Variants in DMD observed in about 807,000 individuals in gnomAD.
DMD encodes mutant dystrophin.
DMD carries 63 observed loss-of-function variants against 330.1 expected under a neutral mutation model. That is an observed-to-expected ratio of 0.19 (90% confidence interval 0.16 to 0.24). The LOEUF (loss-of-function observed/expected upper bound fraction) is 0.24, where lower values mean the gene tolerates loss of function less well. DMD is among the 10% of genes least tolerant of loss of function. The probability of loss-of-function intolerance (pLI) is 1.00; values close to 1 mark genes in which losing one functional copy is unlikely to be tolerated. For synonymous variants in DMD, 1,223 were observed against 959.8 expected (o/e 1.27, Z -5.07); for missense variants, 3,344 against 2,684.1 (o/e 1.25, Z -5.43).
chrX:31,284,757 A>C (rs1284970083), intron 62 of DMD, among the ~76,000 whole-genome samples: 1 of 106,484 alleles, frequency 9.4e-6, no homozygotes, highest in African/African-American at 3.5e-5. Flanking sequence ...CTTTTGATTA[A>C]ATTTTGTTCT....
intron 62 of DMD, among the ~76,000 whole-genome samples, chrX:31,297,755 A>G (rs960704178): frequency 8.9e-6 from 1 of 112,209 alleles, no homozygotes; most frequent in African/African-American, 3.2e-5. Context: ...TCTTTTCTGG[A>G]CTAGCTGTGG....
chrX:32,280,144 GTATATATATA>G (rs200390755), intron 43 of DMD, among the ~76,000 whole-genome samples: 6 of 46,159 alleles, frequency 1.3e-4, no homozygotes, highest in Non-Finnish European at 1.8e-4. Context: ...TATATATACA[GTATATATATA>G]TATATATACA....
intron 77 of DMD, among the ~76,000 whole-genome samples, chrX:31,127,533 G>A (rs1278529297): frequency 1.8e-5 from 2 of 111,925 alleles, no homozygotes; most frequent in Non-Finnish European, 3.8e-5. Context: ...TAAAATCTTG[G>A]TTTTCAAACT....
At chrX:31,624,017 A>G (rs73455932) in intron 55 of DMD, among the ~76,000 whole-genome samples, 1,257 of 111,540 alleles carry the variant, frequency 0.011, 21 homozygotes, top group African/African-American at 0.039. Flanking sequence ...CCAGGGTTTT[A>G]TGGTAGTACT....
At chrX:32,368,960 T>C (rs2097863279) in intron 34 of DMD, among the ~76,000 whole-genome samples, 1 of 111,560 alleles carries the variant, frequency 9.0e-6, no homozygotes, top group South Asian at 3.7e-4. Context: ...CAAGATTGTG[T>C]ACACTCAGTT....
At chrX:31,516,771 C>G (rs1159152861) in intron 55 of DMD, among the ~76,000 whole-genome samples, 1 of 111,835 alleles carries the variant, frequency 8.9e-6, no homozygotes, top group Non-Finnish European at 1.9e-5. Flanking sequence ...AGCACTGCAA[C>G]AGCAGAGAGA....
Position 31,831,871 on chromosome X carries a change from G to A in DMD, c.7200+4847C>T, listed in dbSNP as rs781585730. 8.0e-5 allele frequency among the ~76,000 whole-genome samples: 9 copies of A among 112,218 alleles called. No homozygotes were observed. In the East Asian group the frequency reaches 2.0e-3, roughly 25 times the overall value. ...CCCACCTTGGCCTCCCAAAGTGCTG[G>A]TATTACAGGCGCGAGCCACCGCGCC... On this transcript the variant is annotated intron_variant, in intron 49 of 78. Transcript: ENST00000357033.
At chrX:32,266,231 T>C (rs2097343934) in intron 43 of DMD, among the ~76,000 whole-genome samples, 1 of 111,455 alleles carries the variant, frequency 9.0e-6, no homozygotes, top group Non-Finnish European at 1.9e-5. Flanking sequence ...TGCTCAGCAC[T>C]TCTCCTTTCT....
intron 13 of DMD, among the ~76,000 whole-genome samples, chrX:32,595,406 C>T (rs2055403922): frequency 9.0e-6 from 1 of 111,507 alleles, no homozygotes; most frequent in Non-Finnish European, 1.9e-5. Context: ...TGGGTGCTTT[C>T]AATTGTTATT....
At chrX:32,563,029 G>A (rs964181319) in intron 16 of DMD, among the ~76,000 whole-genome samples, 1 of 111,339 alleles carries the variant, frequency 9.0e-6, no homozygotes, top group African/African-American at 3.3e-5. Flanking sequence ...GCGTGTAACT[G>A]TTTGAAAATA....
chrX:31,297,033 G>T lies in DMD; in HGVS notation c.9224+26565C>A, dbSNP rs182819606. On this transcript the variant is annotated intron_variant, in intron 62 of 78. Coordinates refer to ENST00000357033, the MANE Select transcript of DMD (RefSeq NM_004006.3). ...AAAGCCCGTATTTAATTTTACAATT[G>T]TGTATACACAATTGTGTATGTATAT... Among the ~76,000 whole-genome samples the T allele has an allele frequency of 5.3e-3, 593 of 111,411 alleles. 1 individual carries two copies. Among genetic ancestry groups the T allele is most frequent in the African/African-American group, 7.0e-3 (214 of 30,703 alleles).
At chrX:32,072,449 A>G (rs2096308166) in intron 44 of DMD, among the ~76,000 whole-genome samples, 1 of 111,257 alleles carries the variant, frequency 9.0e-6, no homozygotes, top group Non-Finnish European at 1.9e-5. Flanking sequence ...AATGCTTTAC[A>G]AAAGAGGTTC....
At chrX:31,474,373 G>C (rs2149234476) in intron 59 of DMD, among the ~76,000 whole-genome samples, 1 of 110,667 alleles carries the variant, frequency 9.0e-6, no homozygotes, top group South Asian at 3.8e-4. Flanking sequence ...ATGATAGAGT[G>C]TCTAGGGGTA....
intron 43 of DMD, among the ~76,000 whole-genome samples, chrX:32,247,273 G>A (rs2097243714): frequency 9.0e-6 from 1 of 111,283 alleles, no homozygotes; most frequent in South Asian, 3.7e-4. Context: ...TAATTTCCTT[G>A]GAAGTTTGTC....
intron 64 of DMD, among the ~76,000 whole-genome samples, chrX:31,220,876 CAT>C (rs1491544815): frequency 8.7e-5 from 2 of 22,860 alleles, no homozygotes; most frequent in African/African-American, 5.9e-4. Context: ...TTTCCTAAAA[CAT>C]TTTTTTTTTT....
intron 1 of DMD, among the ~76,000 whole-genome samples, chrX:33,129,939 G>GAAACA (rs1326610466): frequency 2.7e-5 from 3 of 111,645 alleles, no homozygotes; most frequent in Non-Finnish European, 5.6e-5. Flanking sequence ...TCTTAAATGT[G>GAAACA]AAACAATTAC....
intron 43 of DMD, among the ~76,000 whole-genome samples, chrX:32,257,815 AT>A (rs2097305358): frequency 8.9e-6 from 1 of 111,788 alleles, no homozygotes. Context: ...AAATTGACAA[AT>A]GGGATCTAAT....
chrX:32,897,316 A>C (rs1223860082), intron 2 of DMD, among the ~76,000 whole-genome samples: 3 of 111,780 alleles, frequency 2.7e-5, no homozygotes, highest in Admixed American at 9.6e-5. Context: ...GAGTAAAGGA[A>C]GGAGAAGGAA....
At chrX:32,738,873 A>G (rs1434297566) in intron 7 of DMD, among the ~76,000 whole-genome samples, 2 of 111,913 alleles carry the variant, frequency 1.8e-5, no homozygotes, top group Non-Finnish European at 1.9e-5. Flanking sequence ...TTCACTCTGA[A>G]ATTCAATTAG....
Sources: allele counts gnomAD v4.1 joint callset (sites outside exome capture counted in the v4.1 genomes callset), GRCh38; gene constraint gnomAD v4.1.1; transcripts MANE v1.5; gene names NCBI Gene and HGNC (gene_info 2026-07-23, HGNC 2026-07-21).